The following DNAJC8 variants were observed in gnomAD, a reference collection of about 807,000 sequenced individuals.
DNAJC8 encodes the protein dnaJ homolog subfamily C member 8.
In DNAJC8, 24 loss-of-function variants were observed where a neutral mutation model predicts 43.2. The observed-to-expected ratio is 0.56, with a 90% CI of 0.40 to 0.78. The LOEUF (loss-of-function observed/expected upper bound fraction) is 0.78, where lower values mean the gene tolerates loss of function less well. Ranked by LOEUF, DNAJC8 falls within the 30% of genes least tolerant of loss-of-function variation. DNAJC8 has a pLI of 0.00. For synonymous variants in DNAJC8, 83 were observed against 98.0 expected (o/e 0.85, Z 0.90); for missense variants, 207 against 299.4 (o/e 0.69, Z 2.28).
At chr1:28,221,385 G>A (rs1041482323) in intron 2 of DNAJC8, among the ~76,000 whole-genome samples, 1 of 151,908 alleles carries the variant, frequency 6.6e-6, no homozygotes, top group Non-Finnish European at 1.5e-5. Flanking sequence ...GAACAGTCAG[G>A]GAGTCCTGCC....
chr1:28,216,239 G>C (rs1646853715), intron 2 of DNAJC8, among the ~76,000 whole-genome samples: 1 of 152,146 alleles, frequency 6.6e-6, no homozygotes, highest in African/African-American at 2.4e-5. Flanking sequence ...GAATTTTCAA[G>C]TCAGTGCGCC....
intron 8 of DNAJC8, among the ~76,000 whole-genome samples, chr1:28,203,088 C>T (rs1213071237): frequency 6.6e-6 from 1 of 152,178 alleles, no homozygotes; most frequent in African/African-American, 2.4e-5. Context: ...CAATGCCTAG[C>T]GAGTTGTGTA....
rs114065436 is a variant in DNAJC8, at chr1:28,201,002, T to C, written c.*246A>G. Reference sequence around the variant, plus strand: ...CTGTGGGAAGAGAAGGCAGCACCAATGGTGGCACCTTCTAATACTGGTTGT... The same window carrying C: ...CTGTGGGAAGAGAAGGCAGCACCAACGGTGGCACCTTCTAATACTGGTTGT... On this transcript the variant is annotated 3_prime_UTR_variant, in exon 9 of 9. Coordinates refer to ENST00000263697, the MANE Select transcript of DNAJC8 (RefSeq NM_014280.3). The C allele has an allele frequency of 6.6e-3, 3,376 of 511,804 alleles. 22 individuals are homozygous for C. Among genetic ancestry groups the C allele is most frequent in the Non-Finnish European group, 8.9e-3 (2,551 of 286,250 alleles). 31.7% of individuals were successfully genotyped at this position (511,804 alleles called of 1,614,324 possible). A position where few individuals can be genotyped will look rare whatever the true frequency, so the allele number is the denominator to read the frequency against.
Position 28,208,387 on chromosome 1 carries a change from CTTT to C in DNAJC8, c.423_425del (p.Lys143del), listed in dbSNP as rs780580020. 2.0e-5 allele frequency: 33 copies of C among 1,612,940 alleles called. No homozygotes were observed. The highest frequency in any genetic ancestry group is 1.7e-6 in the Non-Finnish European group (2 of 1,179,456). ...CTACAATTGTAGGTTTTCCTTCCTT[CTTT>C]AATTGTTTTTTTCGCTCTTTCACCT... On this transcript the variant is annotated inframe_deletion, in exon 6 of 9. Coordinates refer to ENST00000263697, the MANE Select transcript of DNAJC8 (RefSeq NM_014280.3).
At chr1:28,203,119 T>C (rs1207310652) in intron 8 of DNAJC8, among the ~76,000 whole-genome samples, 1 of 152,188 alleles carries the variant, frequency 6.6e-6, no homozygotes, top group Non-Finnish European at 1.5e-5. Context: ...CTAGGACCTC[T>C]ACCTCATTAT....
chr1:28,221,066 G>A (rs765455888), intron 2 of DNAJC8, among the ~76,000 whole-genome samples: 40 of 151,852 alleles, frequency 2.6e-4, no homozygotes, highest in Non-Finnish European at 3.7e-4. Flanking sequence ...CAGGCTGGGC[G>A]CGGTGGCTCA....
chr1:28,228,184 A>ATT (rs1646950207), intron 2 of DNAJC8, among the ~76,000 whole-genome samples: 4 of 151,908 alleles, frequency 2.6e-5, no homozygotes, highest in Non-Finnish European at 5.9e-5. Flanking sequence ...CCCCATCTCT[A>ATT]CTAAGAATAC....
At chr1:28,219,824 T>C (rs988948076) in intron 2 of DNAJC8, among the ~76,000 whole-genome samples, 1 of 152,100 alleles carries the variant, frequency 6.6e-6, no homozygotes, top group African/African-American at 2.4e-5. Flanking sequence ...CTTCAGGTGT[T>C]TGCCACCATG....
chr1:28,224,008 C>T (rs1369266466), intron 2 of DNAJC8, among the ~76,000 whole-genome samples: 2 of 152,114 alleles, frequency 1.3e-5, no homozygotes, highest in Non-Finnish European at 2.9e-5. Flanking sequence ...CACAAAAGTG[C>T]CTACTAATCA....
intron 8 of DNAJC8, 104 bp downstream of exon 8, chr1:28,203,643 C>T: frequency 8.8e-7 from 1 of 1,130,610 alleles, no homozygotes; most frequent in South Asian, 1.2e-5. Flanking sequence ...CTCTTCCCCA[C>T]ATATCCCACT....
At position 28,218,328 on chromosome 1, in the gene DNAJC8, C is replaced by G. The variant is rs1646875038; in HGVS notation, c.181-3332G>C. On this transcript the variant is annotated intron_variant, in intron 2 of 8. Coordinates refer to ENST00000263697, the MANE Select transcript of DNAJC8 (RefSeq NM_014280.3). ...CAGGCTGGTCTCGAACTCCCGACTTCAGGTGATCTGCCCACCTCAGCCTCC... is the reference window on the plus strand; with the variant it reads ...CAGGCTGGTCTCGAACTCCCGACTTGAGGTGATCTGCCCACCTCAGCCTCC... Among the ~76,000 whole-genome samples the G allele has an allele frequency of 2.6e-5, 4 of 151,922 alleles. No individual in the cohort carries two copies. The South Asian group carries it at 6.2e-4, about 24-fold the overall frequency.
chr1:28,210,161 G>C (rs187370315), intron 4 of DNAJC8, 95 bp from the exon 5 acceptor site: 2 of 1,001,708 alleles, frequency 2.0e-6, no homozygotes, highest in African/African-American at 3.2e-5. Context: ...GCTCTCTAAA[G>C]CATTCCCTAC....
At chr1:28,217,548 A>G (rs760708951) in intron 2 of DNAJC8, among the ~76,000 whole-genome samples, 1 of 152,150 alleles carries the variant, frequency 6.6e-6, no homozygotes, top group Non-Finnish European at 1.5e-5. Flanking sequence ...CCAAGGAGAA[A>G]GGAATTGGGA....
chr1:28,205,108 G>T (rs767304628), intron 7 of DNAJC8, 150 bp downstream of exon 7: 1 of 594,478 alleles, frequency 1.7e-6, no homozygotes, highest in Non-Finnish European at 2.9e-6. Context: ...TTACCCTGGT[G>T]ATTCAAAAGC....
chr1:28,205,698 G>A (rs536280432), intron 6 of DNAJC8, among the ~76,000 whole-genome samples: 1 of 152,268 alleles, frequency 6.6e-6, no homozygotes, highest in East Asian at 1.9e-4. Flanking sequence ...GACCAGCCTG[G>A]CCAACATGGT....
chr1:28,223,638 G>T (rs1217478963), intron 2 of DNAJC8, among the ~76,000 whole-genome samples: 1 of 151,616 alleles, frequency 6.6e-6, no homozygotes, highest in Non-Finnish European at 1.5e-5. Flanking sequence ...CCAGTACTTT[G>T]GGAGGCCAAG....
intron 7 of DNAJC8, 23 bp from the exon 8 acceptor site, chr1:28,203,845 G>C (rs1455247625): frequency 2.5e-6 from 4 of 1,603,698 alleles, no homozygotes; most frequent in Middle Eastern, 3.3e-4. Context: ...CCAGATCATA[G>C]TATTTATATG....
intron 6 of DNAJC8, among the ~76,000 whole-genome samples, chr1:28,207,829 G>A (rs1483881426): frequency 6.6e-6 from 1 of 151,904 alleles, no homozygotes; most frequent in Non-Finnish European, 1.5e-5. Flanking sequence ...GCCGAGGCGG[G>A]TGGATCACCT....
chr1:28,224,306 C>T (rs1646918805), intron 2 of DNAJC8, among the ~76,000 whole-genome samples: 1 of 152,108 alleles, frequency 6.6e-6, no homozygotes, highest in African/African-American at 2.4e-5. Context: ...CTCACTCTGT[C>T]GCCCAGGCTG....
Sources: allele counts gnomAD v4.1 joint callset (sites outside exome capture counted in the v4.1 genomes callset), GRCh38; gene constraint gnomAD v4.1.1; transcripts MANE v1.5; gene names NCBI Gene and HGNC (gene_info 2026-07-23, HGNC 2026-07-21).